CHST11: variants seen among roughly 807,000 people sequenced by gnomAD.
CHST11 encodes C4S-1.
CHST11 carries 9 observed loss-of-function variants against 30.4 expected under a neutral mutation model. That is an observed-to-expected ratio of 0.30 (90% CI 0.18 to 0.52). The LOEUF is 0.52. Ranked by LOEUF, CHST11 falls within the 20% of genes least tolerant of loss-of-function variation. The probability of loss-of-function intolerance (pLI) is 0.97; values close to 1 mark genes in which losing one functional copy is unlikely to be tolerated. For synonymous variants in CHST11, 152 were observed against 187.8 expected (o/e 0.81, Z 1.56); for missense variants, 348 against 460.6 (o/e 0.76, Z 2.24).
intron 2 of CHST11, among the ~76,000 whole-genome samples, chr12:104,750,428 CTTTTTTTTTTTTTTT>C (rs10659007): frequency 4.1e-5 from 2 of 48,828 alleles, no homozygotes; most frequent in African/African-American, 8.1e-5. Context: ...TATTTCTGCA[CTTTTTTTTTTTTTTT>C]TTTTTTTTTT....
chr12:104,649,087 A>G lies in CHST11; in HGVS notation c.204+47096A>G, dbSNP rs150415273. On this transcript the variant is annotated intron_variant, in intron 2 of 2. Coordinates refer to ENST00000303694, the MANE Select transcript of CHST11 (RefSeq NM_018413.6). ...TGCCAGCATGGAGCCCGGCTGATGT[A>G]GGATGGGAATCAGCCTCAGGGATGG... is the stretch of plus-strand genomic sequence containing the variant. Among the ~76,000 whole-genome samples the G allele has an allele frequency of 4.5e-3, 688 of 151,618 alleles. 5 individuals are homozygous for G. The highest frequency in any genetic ancestry group is 0.034 in the Middle Eastern group (10 of 294).
chr12:104,634,917 T>TGAA (rs1267254604), intron 2 of CHST11, among the ~76,000 whole-genome samples: 2 of 152,182 alleles, frequency 1.3e-5, no homozygotes, highest in Non-Finnish European at 2.9e-5. Context: ...ATTCATTCAT[T>TGAA]TGTTGAGTCA....
At chr12:104,514,633 T>G (rs1027002904) in intron 1 of CHST11, among the ~76,000 whole-genome samples, 3 of 152,152 alleles carry the variant, frequency 2.0e-5, no homozygotes, top group Non-Finnish European at 4.4e-5. Context: ...TTCAGGAAGC[T>G]TCCACTCAGG....
In CHST11 at chr12:104,706,691, C is replaced by T. The variant is rs545624527; in HGVS notation, c.205-50258C>T. Among the ~76,000 whole-genome samples the T allele has an allele frequency of 1.6e-4, 25 of 152,274 alleles. No individual in the cohort carries two copies. The South Asian group carries it at 2.3e-3, about 14-fold the overall frequency. ...TGGAAGTGGGCTTTCTGACACGAGGCTCTCAACACCACCTGCCTGGCCTCT... is the reference window on the plus strand; with the variant it reads ...TGGAAGTGGGCTTTCTGACACGAGGTTCTCAACACCACCTGCCTGGCCTCT... On this transcript the variant is annotated intron_variant, in intron 2 of 2. Coordinates refer to ENST00000303694, the MANE Select transcript of CHST11 (RefSeq NM_018413.6).
chr12:104,674,227 C>A (rs1292946714), intron 2 of CHST11, among the ~76,000 whole-genome samples: 2 of 152,002 alleles, frequency 1.3e-5, no homozygotes, highest in African/African-American at 2.4e-5. Context: ...GTGTTTAAAA[C>A]TCTTAGCTGT....
At chr12:104,582,720 T>C (rs79225797) in intron 1 of CHST11, among the ~76,000 whole-genome samples, 1,980 of 152,080 alleles carry the variant, frequency 0.013, 59 homozygotes, top group East Asian at 0.092. Flanking sequence ...TCCTCATCTG[T>C]ATGATAGAAA....
At chr12:104,503,862 G>T (rs1185780645) in intron 1 of CHST11, among the ~76,000 whole-genome samples, 1 of 152,180 alleles carries the variant, frequency 6.6e-6, no homozygotes, top group African/African-American at 2.4e-5. Flanking sequence ...AATGCATGAG[G>T]ACTTATGGGG....
intron 1 of CHST11, among the ~76,000 whole-genome samples, chr12:104,462,167 CAAA>C (rs796356338): frequency 0.19 from 12,549 of 65,292 alleles, 596 homozygotes; most frequent in East Asian, 0.38. Context: ...AACACCATCT[CAAA>C]AAAAAAAAAA....
At chr12:104,617,090 TAAATACTC>T (rs2039115055) in intron 2 of CHST11, among the ~76,000 whole-genome samples, 1 of 152,176 alleles carries the variant, frequency 6.6e-6, no homozygotes, top group South Asian at 2.1e-4. Context: ...CTGGATGCAG[TAAATACTC>T]ATAATTTCAT....
At chr12:104,462,994 C>T (rs1023364941) in intron 1 of CHST11, among the ~76,000 whole-genome samples, 2 of 152,028 alleles carry the variant, frequency 1.3e-5, no homozygotes, top group Admixed American at 6.6e-5. Context: ...TGGGGGTTTC[C>T]GTGGGGTGAG....
intron 2 of CHST11, among the ~76,000 whole-genome samples, chr12:104,613,695 C>T (rs1592794231): frequency 6.6e-6 from 1 of 152,160 alleles, no homozygotes; most frequent in Non-Finnish European, 1.5e-5. Context: ...CCTGTGGAAC[C>T]AATGAAACCT....
At chr12:104,680,618 T>C (rs2039786192) in intron 2 of CHST11, among the ~76,000 whole-genome samples, 1 of 152,234 alleles carries the variant, frequency 6.6e-6, no homozygotes. Flanking sequence ...GGTCAGTGAT[T>C]CAGCTCCTGC....
intron 2 of CHST11, among the ~76,000 whole-genome samples, chr12:104,751,622 T>C (rs927777319): frequency 4.6e-5 from 7 of 152,270 alleles, no homozygotes; most frequent in Non-Finnish European, 8.8e-5. Flanking sequence ...AGATTTCTTT[T>C]TTCTTCTTTG....
intron 1 of CHST11, among the ~76,000 whole-genome samples, chr12:104,558,125 A>G (rs1010927357): frequency 3.1e-4 from 47 of 151,964 alleles, no homozygotes; most frequent in African/African-American, 1.1e-3. Flanking sequence ...TTCAGCCTTG[A>G]CTTTCACAAA....
At chr12:104,526,434 A>G (rs142938929) in intron 1 of CHST11, among the ~76,000 whole-genome samples, 1 of 152,282 alleles carries the variant, frequency 6.6e-6, no homozygotes, top group East Asian at 1.9e-4. Context: ...TCAGCCGGCT[A>G]CTTCCTGGGA....
intron 2 of CHST11, among the ~76,000 whole-genome samples, chr12:104,701,382 C>A (rs1250234166): frequency 1.3e-5 from 2 of 152,076 alleles, no homozygotes; most frequent in African/African-American, 4.8e-5. Context: ...AAAAATAAAT[C>A]ATTGAGGTTG....
At chr12:104,610,465 G>C (rs1478112809) in intron 2 of CHST11, among the ~76,000 whole-genome samples, 3 of 152,160 alleles carry the variant, frequency 2.0e-5, no homozygotes, top group Non-Finnish European at 2.9e-5. Context: ...ATTTAAACTG[G>C]AGAAGGGCAT....
chr12:104,750,448 T>G (rs1298655165), intron 2 of CHST11, among the ~76,000 whole-genome samples: 2 of 110,526 alleles, frequency 1.8e-5, no homozygotes, highest in African/African-American at 7.6e-5. Flanking sequence ...TTTTTTTTTT[T>G]TTTTTTTTGT....
intron 2 of CHST11, among the ~76,000 whole-genome samples, chr12:104,625,552 G>T (rs1056691541): frequency 1.3e-5 from 2 of 152,176 alleles, no homozygotes; most frequent in Non-Finnish European, 2.9e-5. Context: ...CGATCCGCCC[G>T]CCTTGGCCTC....
Sources: gnomAD v4.1 joint callset for allele counts (sites outside exome capture counted in the v4.1 genomes callset) on GRCh38, gnomAD v4.1.1 for gene constraint, MANE v1.5 for transcripts, NCBI Gene and HGNC (gene_info 2026-07-23, HGNC 2026-07-21) for gene names.